Variants in STMN2 observed in about 807,000 individuals in gnomAD.
STMN2 encodes stathmin 2, also known as stathmin-2.
Under a neutral mutation model 24.1 loss-of-function variants are expected in STMN2, and 2 were observed. That is an observed-to-expected ratio of 0.08 (90% confidence interval 0.03 to 0.26). The LOEUF (loss-of-function observed/expected upper bound fraction) is 0.26. Ranked by LOEUF, STMN2 falls within the 10% of genes least tolerant of loss-of-function variation. STMN2 has a pLI of 1.00. For synonymous variants in STMN2, 83 were observed against 77.5 expected (o/e 1.07, Z -0.37); for missense variants, 114 against 213.6 (o/e 0.53, Z 2.91).
In STMN2 at chr8:79,664,921, C is replaced by T; in HGVS notation, c.*47C>T. 6.3e-7 allele frequency: 1 copy of T among 1,578,980 alleles called. No homozygotes were observed. The highest frequency in any genetic ancestry group is 8.7e-7 in the Non-Finnish European group (1 of 1,155,986). ...CCCCACCAATAGTAAATCCCCCTGCCTATATTATAATGGATCATGCGATAT... is the reference window on the plus strand; with the variant it reads ...CCCCACCAATAGTAAATCCCCCTGCTTATATTATAATGGATCATGCGATAT... On this transcript the variant is annotated 3_prime_UTR_variant, in exon 5 of 5. Transcript: ENST00000220876.
At chr8:79,635,855 T>C (rs1337911275) in intron 1 of STMN2, among the ~76,000 whole-genome samples, 1 of 151,998 alleles carries the variant, frequency 6.6e-6, no homozygotes, top group African/African-American at 2.4e-5. Context: ...CATTTAATAT[T>C]CCCATGTAAA....
At chr8:79,621,046 G>A (rs1377621888) in intron 1 of STMN2, 4 of 984,980 alleles carry the variant, frequency 4.1e-6, no homozygotes, top group African/African-American at 1.7e-5. Flanking sequence ...GGCGTCAAGA[G>A]GTCAGAGTCT....
intron 2 of STMN2, among the ~76,000 whole-genome samples, chr8:79,638,974 A>C (rs1810031704): frequency 6.6e-6 from 1 of 152,188 alleles, no homozygotes; most frequent in Non-Finnish European, 1.5e-5. Flanking sequence ...TGCCATCAGG[A>C]AAATGAAAAA....
chr8:79,620,102 G>A (rs1329576803), intron 1 of STMN2, among the ~76,000 whole-genome samples: 2 of 150,172 alleles, frequency 1.3e-5, no homozygotes, highest in Non-Finnish European at 3.0e-5. Context: ...GTAAATTTAA[G>A]CTCAAATAAT....
intron 1 of STMN2, among the ~76,000 whole-genome samples, chr8:79,630,508 T>G (rs1290155662): frequency 6.6e-6 from 1 of 152,160 alleles, no homozygotes; most frequent in African/African-American, 2.4e-5. Flanking sequence ...ACCAAAACAT[T>G]TGTGACTCTG....
chr8:79,633,634 G>T (rs1020095875), intron 1 of STMN2, among the ~76,000 whole-genome samples: 1 of 152,190 alleles, frequency 6.6e-6, no homozygotes, highest in Non-Finnish European at 1.5e-5. Context: ...GGCAAAAGGA[G>T]ATTGAGCTAG....
chr8:79,622,799 T>G (rs1809547328), intron 1 of STMN2, among the ~76,000 whole-genome samples: 1 of 152,148 alleles, frequency 6.6e-6, no homozygotes, highest in African/African-American at 2.4e-5. Flanking sequence ...TACAAAAATC[T>G]ACACTGAGGT....
At chr8:79,664,767 C>A (rs1170548002) in intron 4 of STMN2, 48 bp from the exon 5 acceptor site, 2 of 1,595,520 alleles carry the variant, frequency 1.3e-6, no homozygotes, top group African/African-American at 1.3e-5. Flanking sequence ...CGCAAAGGAC[C>A]AGACAAAAAG....
chr8:79,637,207 A>G (rs888260281), intron 2 of STMN2, among the ~76,000 whole-genome samples: 1 of 152,248 alleles, frequency 6.6e-6, no homozygotes, highest in East Asian at 1.9e-4. Flanking sequence ...AGGCTAAGCC[A>G]TAATTGGAGT....
intron 1 of STMN2, chr8:79,621,031 A>C (rs1297339099): frequency 2.0e-6 from 2 of 985,160 alleles, no homozygotes; most frequent in Admixed American, 1.2e-4. Context: ...GGAGCTCTGC[A>C]ACAAGGCGTC....
intron 1 of STMN2, among the ~76,000 whole-genome samples, chr8:79,617,011 G>A (rs1051143210): frequency 2.0e-5 from 3 of 152,056 alleles, no homozygotes; most frequent in African/African-American, 7.2e-5. Flanking sequence ...TTTATGAATA[G>A]CAATACTGAA....
intron 2 of STMN2, 91 bp from the exon 3 acceptor site, chr8:79,641,287 C>A (rs915755411): frequency 1.5e-6 from 2 of 1,376,338 alleles, no homozygotes; most frequent in Non-Finnish European, 2.0e-6. Flanking sequence ...GGAATAACAA[C>A]GCTACTTCCA....
At chr8:79,641,630 A>T in intron 3 of STMN2, 80 bp downstream of exon 3, 181 of 169,104 alleles carry the variant, frequency 1.1e-3, no homozygotes, top group East Asian at 9.6e-3. Flanking sequence ...ACATGCACGC[A>T]CACACACACA....
chr8:79,621,096 G>A, intron 1 of STMN2: 1 of 908,074 alleles, frequency 1.1e-6, no homozygotes, highest in South Asian at 5.1e-5. Flanking sequence ...CAGTGCTGCT[G>A]GTGCTGCATG....
intron 4 of STMN2, chr8:79,663,639 T>C: frequency 6.5e-7 from 1 of 1,530,782 alleles, no homozygotes; most frequent in Non-Finnish European, 8.7e-7. Flanking sequence ...TTCTGGAGCT[T>C]CAGAGGGAAG....
chr8:79,620,182 CATATA>C (rs1403504758), intron 1 of STMN2, among the ~76,000 whole-genome samples: 8 of 147,752 alleles, frequency 5.4e-5, no homozygotes, highest in South Asian at 2.1e-4. Context: ...TATATTATAA[CATATA>C]ATATATATAT....
intron 1 of STMN2, among the ~76,000 whole-genome samples, chr8:79,622,955 A>G (rs1184519214): frequency 2.6e-5 from 4 of 151,994 alleles, no homozygotes; most frequent in Non-Finnish European, 5.9e-5. Context: ...TGTGCACAAT[A>G]TCTCATTGCC....
At chr8:79,628,610 A>C (rs1460579578) in intron 1 of STMN2, among the ~76,000 whole-genome samples, 1 of 152,160 alleles carries the variant, frequency 6.6e-6, no homozygotes, top group African/African-American at 2.4e-5. Flanking sequence ...AACACGTGTG[A>C]GATAATATCT....
intron 2 of STMN2, among the ~76,000 whole-genome samples, chr8:79,637,960 T>C (rs1437372545): frequency 2.0e-5 from 3 of 152,246 alleles, no homozygotes; most frequent in African/African-American, 7.2e-5. Flanking sequence ...AATTAACTGT[T>C]CCATAAGGAA....
Sources: allele counts gnomAD v4.1 joint callset (sites outside exome capture counted in the v4.1 genomes callset), GRCh38; gene constraint gnomAD v4.1.1; transcripts MANE v1.5; gene names NCBI Gene and HGNC (gene_info 2026-07-23, HGNC 2026-07-21).